The following ATAD2B variants were observed in gnomAD, a reference collection of about 807,000 sequenced individuals.
ATAD2B encodes ATPase family AAA domain-containing protein 2B.
ATAD2B carries 40 observed loss-of-function variants against 167.6 expected under a neutral mutation model. That is an observed-to-expected ratio of 0.24 (90% CI 0.19 to 0.31). The LOEUF is 0.31. Among genes scored for constraint, ATAD2B ranks in the 10% least tolerant of loss-of-function variants. The pLI is 1.00. For missense variants in ATAD2B, 1,242 were observed against 1,757.2 expected (o/e 0.71, Z 5.24); for synonymous variants, 579 against 596.5 (o/e 0.97, Z 0.43).
At chr2:23,704,376 G>A in the ATAD2B span, among the ~76,000 whole-genome samples, 1 of 152,320 alleles carries the variant, frequency 6.6e-6, no homozygotes, top group East Asian at 1.9e-4. Flanking sequence ...GCTGAGTGTG[G>A]CTCGGTCCCC....
At chr2:23,778,977 C>G (rs1416157085) in intron 22 of ATAD2B, among the ~76,000 whole-genome samples, 2 of 152,084 alleles carry the variant, frequency 1.3e-5, no homozygotes, top group Non-Finnish European at 2.9e-5. Context: ...ACTACATATA[C>G]AGTTGTACGG....
chr2:23,693,275 A>G, the ATAD2B span: 11 of 1,541,560 alleles, frequency 7.1e-6, no homozygotes, highest in Non-Finnish European at 9.6e-6. Context: ...CCAGAGAAGC[A>G]GCTGACGGCC....
intron 24 of ATAD2B, among the ~76,000 whole-genome samples, chr2:23,760,769 C>CACACACA (rs1553373415): frequency 1.8e-5 from 1 of 54,376 alleles, no homozygotes; most frequent in East Asian, 3.2e-3. Flanking sequence ...CACACACACA[C>CACACACA]ACCACTTCCT....
chr2:23,784,739 C>T (rs1471423914), intron 21 of ATAD2B, among the ~76,000 whole-genome samples: 4 of 151,046 alleles, frequency 2.6e-5, no homozygotes, highest in East Asian at 1.9e-4. Context: ...ATTTTTTAAT[C>T]GGCTGATAGT....
chr2:23,755,481 C>A (rs1027268797), intron 25 of ATAD2B, among the ~76,000 whole-genome samples: 18 of 152,046 alleles, frequency 1.2e-4, no homozygotes, highest in African/African-American at 4.3e-4. Context: ...CTGAGGGGTA[C>A]AAAGGGTGGG....
chr2:23,886,817 GC>G (rs1698729906), intron 4 of ATAD2B, among the ~76,000 whole-genome samples: 1 of 151,866 alleles, frequency 6.6e-6, no homozygotes, highest in Non-Finnish European at 1.5e-5. Context: ...TGTAGTCCCG[GC>G]TACTTGGGAG....
At chr2:23,887,614 G>C (rs763653012) in intron 4 of ATAD2B, among the ~76,000 whole-genome samples, 6 of 152,156 alleles carry the variant, frequency 3.9e-5, no homozygotes, top group Non-Finnish European at 8.8e-5. Flanking sequence ...TGAACGGATA[G>C]TCAGCTCACT....
chr2:23,720,620 C>T, the ATAD2B span, among the ~76,000 whole-genome samples: 1 of 151,884 alleles, frequency 6.6e-6, no homozygotes, highest in African/African-American at 2.4e-5. Flanking sequence ...TGGAGGCACC[C>T]AGTGTCTGCA....
chr2:23,735,126 G>A, the ATAD2B span, among the ~76,000 whole-genome samples: 1 of 152,040 alleles, frequency 6.6e-6, no homozygotes, highest in Admixed American at 6.6e-5. Context: ...CTTTACACTT[G>A]TCCTCCATAA....
At chr2:23,725,417 C>T in the ATAD2B span, among the ~76,000 whole-genome samples, 1 of 152,158 alleles carries the variant, frequency 6.6e-6, no homozygotes, top group Non-Finnish European at 1.5e-5. Context: ...TTATGTCTTA[C>T]CCTTTAAGTT....
At position 23,884,831 on chromosome 2, in the gene ATAD2B, A is replaced by C. The variant is rs1284645097; in HGVS notation, c.718T>G (p.Ser240Ala). 1 of 1,598,750 alleles carries C rather than the reference A, an allele frequency of 6.3e-7. No individual in the cohort carries two copies. ...MYSRVKRRRK[S>A]LRRNSYGIQN... ...ATCCCATAACTATTTCTTCTTAGTG[A>C]CTTTCTTCGCCTTTTCACTCTTGAA... The change falls in exon 6 of 28, where the codon TCA (serine) becomes GCA (alanine). Residue 240 changes from serine to alanine, a missense_variant. Physicochemically the swap from Ser to Ala is moderately conservative, Grantham distance 99. Around this residue, in one of 9 missense-constraint regions of ATAD2B, gnomAD observed 99 missense variants for 160.4 expected, o/e 0.62. Transcript: ENST00000238789.
chr2:23,832,320 C>G (rs1689185767), intron 14 of ATAD2B: 2 of 419,570 alleles, frequency 4.8e-6, no homozygotes, highest in South Asian at 3.5e-5. Flanking sequence ...TCCACAGACC[C>G]AGGCTTGAGA....
chr2:23,804,688 A>AC (rs1684070601), intron 18 of ATAD2B, among the ~76,000 whole-genome samples: 1 of 151,782 alleles, frequency 6.6e-6, no homozygotes, highest in Non-Finnish European at 1.5e-5. Flanking sequence ...AAAAAAAAAA[A>AC]CCCTATAACA....
At chr2:23,863,611 C>T (rs1014713032) in intron 11 of ATAD2B, 56 bp from the exon 12 acceptor site, 1 of 1,416,066 alleles carries the variant, frequency 7.1e-7, no homozygotes, top group African/African-American at 1.5e-5. Flanking sequence ...CTGCTGATAA[C>T]CAATTTTAAA....
intron 1 of ATAD2B, among the ~76,000 whole-genome samples, chr2:23,910,304 G>T (rs973736036): frequency 6.7e-6 from 1 of 150,322 alleles, no homozygotes; most frequent in African/African-American, 2.5e-5. Context: ...TCAACCTCCT[G>T]AGTAGCTGGG....
the ATAD2B span, among the ~76,000 whole-genome samples, chr2:23,688,092 G>C: frequency 1.3e-5 from 2 of 152,174 alleles, no homozygotes; most frequent in Admixed American, 1.3e-4. Flanking sequence ...GAGTGGACAG[G>C]TGTGGCTTGG....
intron 15 of ATAD2B, among the ~76,000 whole-genome samples, chr2:23,824,654 G>T (rs914242818): frequency 2.0e-5 from 3 of 151,826 alleles, no homozygotes; most frequent in Admixed American, 2.0e-4. Context: ...CCAACATAAG[G>T]TATTATTTAT....
chr2:23,887,787 A>T (rs75512051), intron 4 of ATAD2B, 45 bp downstream of exon 4: 149,601 of 1,479,846 alleles, frequency 0.1, 8,302 homozygotes, highest in Non-Finnish European at 0.11. Context: ...ACTGTCTTAA[A>T]AACCAAATAA....
intron 18 of ATAD2B, among the ~76,000 whole-genome samples, chr2:23,809,584 T>A (rs1003959294): frequency 6.6e-6 from 1 of 152,166 alleles, no homozygotes; most frequent in Non-Finnish European, 1.5e-5. Flanking sequence ...AGTATCGAAG[T>A]ACAAAGTGGC....
Sources: allele counts gnomAD v4.1 joint callset (sites outside exome capture counted in the v4.1 genomes callset), GRCh38; gene constraint gnomAD v4.1.1; regional missense constraint gnomAD v4.1.1; transcripts MANE v1.5; gene names NCBI Gene and HGNC (gene_info 2026-07-23, HGNC 2026-07-21).